The following ANO6 variants were observed in gnomAD, a reference collection of about 807,000 sequenced individuals.
ANO6 encodes the protein anoctamin-6.
ANO6 carries 106 observed loss-of-function variants against 117.5 expected under a neutral mutation model. The observed-to-expected ratio is 0.90, with a 90% CI of 0.77 to 1.06. The LOEUF (loss-of-function observed/expected upper bound fraction) is 1.06. ANO6 is among the 50% of genes least tolerant of loss of function. The pLI is 0.00. For synonymous variants in ANO6, 367 were observed against 385.1 expected, an observed-to-expected ratio of 0.95 and a Z score of 0.55; for missense variants, 955 against 1,121.1, an observed-to-expected ratio of 0.85 and a Z score of 2.12.
chr12:45,421,321 G>A (rs199508811), intron 18 of ANO6, 48 bp downstream of exon 18: 4 of 1,567,062 alleles, frequency 2.6e-6, no homozygotes, highest in Non-Finnish European at 3.5e-6. Flanking sequence ...CTTTAAAAGG[G>A]TTTTTCTTGT....
At chr12:45,382,244 T>G (rs1382345551) in intron 10 of ANO6, among the ~76,000 whole-genome samples, 3 of 152,220 alleles carry the variant, frequency 2.0e-5, no homozygotes, top group African/African-American at 7.2e-5. Context: ...TTAGTCTCCT[T>G]GGTTCTACCT....
At chr12:45,275,166 C>T (rs902137560) in intron 1 of ANO6, among the ~76,000 whole-genome samples, 6 of 151,972 alleles carry the variant, frequency 3.9e-5, no homozygotes, top group African/African-American at 1.4e-4. Context: ...ACCCTTAGAT[C>T]CGTCTCCATC....
intron 9 of ANO6, among the ~76,000 whole-genome samples, chr12:45,374,271 G>T (rs1292524899): frequency 5.8e-5 from 5 of 85,504 alleles, no homozygotes; most frequent in Non-Finnish European, 1.2e-4. Context: ...TTCTACCAGA[G>T]GTACAAGGAG....
At chr12:45,434,523 T>C (rs1290536199), downstream of ANO6, among the ~76,000 whole-genome samples, 1 of 152,226 alleles carries the variant, frequency 6.6e-6, no homozygotes, top group Non-Finnish European at 1.5e-5. Flanking sequence ...ATTGCAGGGC[T>C]CTAGCTTCAA....
intron 1 of ANO6, among the ~76,000 whole-genome samples, chr12:45,254,327 T>C (rs11182946): frequency 0.096 from 14,571 of 152,208 alleles, 945 homozygotes; most frequent in East Asian, 0.37. Context: ...CCATACCTCC[T>C]GAAGGTGGGC....
intron 2 of ANO6, among the ~76,000 whole-genome samples, chr12:45,330,158 A>G (rs189428215): frequency 2.4e-4 from 36 of 152,260 alleles, no homozygotes; most frequent in African/African-American, 5.5e-4. Flanking sequence ...AAACCTGCCA[A>G]TTAGGAACTT....
At chr12:45,307,057 C>T (rs578248014) in intron 2 of ANO6, among the ~76,000 whole-genome samples, 1 of 152,042 alleles carries the variant, frequency 6.6e-6, no homozygotes, top group East Asian at 1.9e-4. Flanking sequence ...AATGAAAGAT[C>T]GAGAGAATAA....
intron 12 of ANO6, among the ~76,000 whole-genome samples, chr12:45,399,854 T>C (rs1489304466): frequency 1.3e-5 from 2 of 152,150 alleles, no homozygotes; most frequent in Non-Finnish European, 2.9e-5. Flanking sequence ...AAAGTTATGA[T>C]CAGAAAAGTA....
Position 45,403,052 on chromosome 12 carries a change from T to C in ANO6, c.1613-20T>C, listed in dbSNP as rs756985536. Reference sequence around the variant, plus strand: ...CTGTTCACAATTTTAAAATCTTATTTCTCTTTCTTTTAACTACAGAACTCC... The same window carrying C: ...CTGTTCACAATTTTAAAATCTTATTCCTCTTTCTTTTAACTACAGAACTCC... On this transcript the variant is annotated intron_variant, in intron 13 of 19. Coordinates refer to ENST00000320560, the MANE Select transcript of ANO6 (RefSeq NM_001025356.3). 5.0e-6 allele frequency: 8 copies of C among 1,612,172 alleles called. No homozygotes were observed. In the Admixed American group the frequency reaches 1.2e-4, roughly 24 times the overall value.
At chr12:45,377,246 T>C (rs1308756976) in intron 9 of ANO6, among the ~76,000 whole-genome samples, 1 of 152,184 alleles carries the variant, frequency 6.6e-6, no homozygotes, top group African/African-American at 2.4e-5. Flanking sequence ...CCATTATCTT[T>C]ATAGTAATTT....
At chr12:45,271,475 T>C (rs1265345104) in intron 1 of ANO6, among the ~76,000 whole-genome samples, 1 of 152,232 alleles carries the variant, frequency 6.6e-6, no homozygotes, top group East Asian at 1.9e-4. Flanking sequence ...CACCAATCTA[T>C]AATATTTTAA....
chr12:45,343,796 C>T (rs1452084848), intron 3 of ANO6, among the ~76,000 whole-genome samples: 1 of 152,144 alleles, frequency 6.6e-6, no homozygotes, highest in Non-Finnish European at 1.5e-5. Flanking sequence ...GCTGCCAGCA[C>T]CGCTGGCACC....
chr12:45,378,007 A>G (rs1460811662), intron 9 of ANO6, 46 bp from the exon 10 acceptor site: 8 of 1,530,616 alleles, frequency 5.2e-6, no homozygotes, highest in Admixed American at 3.3e-5. Flanking sequence ...CTGAATCCTA[A>G]TAAGTGGAGG....
chr12:45,437,572 A>G (rs953390962), intron 19 of ANO6, among the ~76,000 whole-genome samples: 7 of 150,386 alleles, frequency 4.7e-5, no homozygotes, highest in Non-Finnish European at 1.5e-5. Flanking sequence ...GTGGGCTCTC[A>G]TAACTTTTTT....
intron 3 of ANO6, among the ~76,000 whole-genome samples, chr12:45,333,231 T>G (rs1940727122): frequency 6.6e-6 from 1 of 152,052 alleles, no homozygotes; most frequent in African/African-American, 2.4e-5. Flanking sequence ...CCATTTGGGA[T>G]TTTCTTAAAA....
intron 19 of ANO6, among the ~76,000 whole-genome samples, chr12:45,427,893 C>T (rs1943542764): frequency 1.4e-5 from 2 of 146,196 alleles, no homozygotes; most frequent in South Asian, 4.4e-4. Flanking sequence ...GGGCCAAGAT[C>T]GCACCACTGC....
chr12:45,347,834 T>C (rs1369688800), intron 4 of ANO6, among the ~76,000 whole-genome samples, 194 bp from the exon 5 acceptor site: 1 of 152,214 alleles, frequency 6.6e-6, no homozygotes, highest in East Asian at 1.9e-4. Flanking sequence ...TCCTTAATGA[T>C]TCAAACCAAG....
At chr12:45,258,243 A>T (rs10748413) in intron 1 of ANO6, among the ~76,000 whole-genome samples, 78 of 152,188 alleles carry the variant, frequency 5.1e-4, no homozygotes, top group African/African-American at 1.6e-3. Flanking sequence ...ATAGTGCCTG[A>T]TGCTAGTAAA....
At chr12:45,377,990 A>G (rs1363982674) in intron 9 of ANO6, 63 bp from the exon 10 acceptor site, 2 of 1,463,302 alleles carry the variant, frequency 1.4e-6, no homozygotes, top group Non-Finnish European at 1.9e-6. Context: ...AAAGCATTTC[A>G]TATTTACTGA....
Sources: gnomAD v4.1 joint callset for allele counts (sites outside exome capture counted in the v4.1 genomes callset) on GRCh38, gnomAD v4.1.1 for gene constraint, MANE v1.5 for transcripts, NCBI Gene and HGNC (gene_info 2026-07-23, HGNC 2026-07-21) for gene names.